RRN3: variants seen among roughly 807,000 people sequenced by gnomAD.
RRN3 encodes RNA polymerase I transcription factor RRN3, also known as RNA polymerase I-specific transcription initiation factor RRN3.
RRN3 carries 38 observed loss-of-function variants against 82.3 expected under a neutral mutation model. That is an observed-to-expected ratio of 0.46 (90% CI 0.36 to 0.61). RRN3 has a LOEUF of 0.61. RRN3 is among the 20% of genes least tolerant of loss of function. The pLI, the probability that RRN3 is intolerant of heterozygous loss-of-function variation, is 0.00. For missense variants in RRN3, 726 were observed against 793.1 expected (o/e 0.92, Z 1.02); for synonymous variants, 284 against 284.3 (o/e 1.00, Z 0.01).
intron 8 of RRN3, among the ~76,000 whole-genome samples, chr16:15,080,986 TTCATA>T (rs1001318363): frequency 4.9e-4 from 74 of 152,182 alleles, no homozygotes; most frequent in African/African-American, 1.8e-3. Flanking sequence ...AACCATTCCT[TTCATA>T]TCAATGGAGT....
rs780150325 is a variant in RRN3, at chr16:15,061,915, C to T, written c.1795-10G>A. On this transcript the variant is annotated splice_polypyrimidine_tract_variant and intron_variant, in intron 17 of 17. Transcript: ENST00000198767. ...CATCTTCCACTATGTCCTGCAGAAA[C>T]ATCAGAAATCATCAGTAACATCACC... 1.3e-5 allele frequency: 21 copies of T among 1,601,698 alleles called. 1 individual carries two copies. The Admixed American group carries it at 3.2e-4, about 24-fold the overall frequency.
At position 15,061,496 on chromosome 16, in the gene RRN3, A is replaced by C; in HGVS notation, c.*248T>G. On this transcript the variant is annotated 3_prime_UTR_variant, in exon 18 of 18. Transcript: ENST00000198767. ...ATATTAAACAAGCAAATCCTTCCAA[A>C]TGTATCATCAACCCCACTGTAAAAG... 2.5e-6 allele frequency: 1 copy of C among 399,726 alleles called. No individual in the cohort carries two copies. Among genetic ancestry groups the C allele is most frequent in the Non-Finnish European group, 4.4e-6 (1 of 226,160 alleles). 24.8% of individuals were successfully genotyped at this position (399,726 alleles called of 1,614,324 possible). A position where few individuals can be genotyped will look rare whatever the true frequency, so the allele number is the denominator to read the frequency against.
intron 16 of RRN3, among the ~76,000 whole-genome samples, chr16:15,064,132 G>A (rs371138829): frequency 6.6e-6 from 1 of 151,844 alleles, no homozygotes; most frequent in Non-Finnish European, 1.5e-5. Flanking sequence ...CTGGCCCAGT[G>A]GTTTTCTAGA....
Position 15,066,132 on chromosome 16 carries a change from G to C in RRN3, c.1554-761C>G, listed in dbSNP as rs546360462. Among the ~76,000 whole-genome samples the C allele has an allele frequency of 1.8e-3, 274 of 152,280 alleles. 1 individual carries two copies. The highest frequency in any genetic ancestry group is 5.3e-3 in the African/African-American group (222 of 41,542). The stretch of plus-strand genomic sequence containing the variant: ...ATGGCAACTTCAAGCCACATACTTT[G>C]ATTTCTGTCCTGTTAGCCAAGGCTC... On this transcript the variant is annotated intron_variant, in intron 15 of 17. Transcript: ENST00000198767.
Position 15,094,255 on chromosome 16 carries a change from C to G in RRN3, c.-22G>C. The G allele has an allele frequency of 1.3e-6, 2 of 1,548,526 alleles. No individual in the cohort carries two copies. The highest frequency in any genetic ancestry group is 4.8e-5 in the East Asian group (2 of 42,038). On this transcript the variant is annotated 5_prime_UTR_variant, in exon 1 of 18. Coordinates refer to ENST00000198767, the MANE Select transcript of RRN3 (RefSeq NM_018427.5). Reference sequence around the variant, plus strand: ...CCATTGGGCCGAACTAACGCGACCGCTGCGCCTCAGGCCGGATGCCCAGCT... The same window carrying G: ...CCATTGGGCCGAACTAACGCGACCGGTGCGCCTCAGGCCGGATGCCCAGCT...
chr16:15,094,265 G>C lies in RRN3; in HGVS notation c.-32C>G. The C allele has an allele frequency of 6.6e-7, 1 of 1,505,342 alleles. No individual in the cohort carries two copies. The highest frequency in any genetic ancestry group is 1.2e-5 in the South Asian group (1 of 83,010). 93.2% of individuals were successfully genotyped at this position (1,505,342 alleles called of 1,614,324 possible). The stretch of plus-strand genomic sequence containing the variant: ...GAACTAACGCGACCGCTGCGCCTCA[G>C]GCCGGATGCCCAGCTCCTTCCAGCC... On this transcript the variant is annotated 5_prime_UTR_variant, in exon 1 of 18. Transcript: ENST00000198767.
At chr16:15,090,728 C>A (rs1457770838) in intron 3 of RRN3, among the ~76,000 whole-genome samples, 2 of 152,294 alleles carry the variant, frequency 1.3e-5, no homozygotes, top group East Asian at 3.9e-4. Context: ...GAATTTCATT[C>A]CAGGCAATCT....
intron 8 of RRN3, among the ~76,000 whole-genome samples, chr16:15,081,717 G>T (rs2045710944): frequency 6.6e-6 from 1 of 152,192 alleles, no homozygotes; most frequent in East Asian, 1.9e-4. Context: ...GGTTGCTTGT[G>T]CTTAGGCATC....
intron 7 of RRN3, among the ~76,000 whole-genome samples, chr16:15,084,000 G>C (rs549222319): frequency 6.6e-6 from 1 of 152,220 alleles, no homozygotes; most frequent in African/African-American, 2.4e-5. Context: ...ACAGGCGTGA[G>C]CCACCGCGCC....
intron 15 of RRN3, among the ~76,000 whole-genome samples, chr16:15,066,262 C>T (rs529073384): frequency 6.6e-6 from 1 of 152,284 alleles, no homozygotes; most frequent in South Asian, 2.1e-4. Flanking sequence ...TCCTACAACC[C>T]CGCAGCTGAC....
intron 8 of RRN3, among the ~76,000 whole-genome samples, chr16:15,082,708 TAAC>T (rs1222328168): frequency 6.6e-6 from 1 of 152,052 alleles, no homozygotes; most frequent in Non-Finnish European, 1.5e-5. Context: ...CTTGCATTCT[TAAC>T]ATCAGTCGCA....
Position 15,089,530 on chromosome 16 carries a change from G to A in RRN3, c.252+1785C>T, listed in dbSNP as rs569568325. On this transcript the variant is annotated intron_variant, in intron 3 of 17. Transcript: ENST00000198767. ...ATTAAAGGATCACTGGCCGGGCGTG[G>A]TTACTCACGCCTCTAATCCCAGCAC... 2.9e-4 allele frequency among the ~76,000 whole-genome samples: 44 copies of A among 152,222 alleles called. No homozygotes were observed. In the South Asian group the frequency reaches 8.9e-3, roughly 31 times the overall value.
At chr16:15,085,122 A>C (rs1357780784) in intron 6 of RRN3, among the ~76,000 whole-genome samples, 1 of 152,152 alleles carries the variant, frequency 6.6e-6, no homozygotes, top group Non-Finnish European at 1.5e-5. Flanking sequence ...TGCTAACCAA[A>C]ACGGAATAAT....
chr16:15,085,172 G>A (rs1240348030), intron 6 of RRN3, among the ~76,000 whole-genome samples: 1 of 152,162 alleles, frequency 6.6e-6, no homozygotes, highest in East Asian at 1.9e-4. Flanking sequence ...TTCTCCACCA[G>A]CATCAACGAA....
Position 15,074,327 on chromosome 16 carries a change from T to C in RRN3, c.997+396A>G, listed in dbSNP as rs1005251306. 5.9e-5 allele frequency among the ~76,000 whole-genome samples: 9 copies of C among 152,186 alleles called. No individual in the cohort carries two copies. In the South Asian group the frequency reaches 6.2e-4, roughly 11 times the overall value. On this transcript the variant is annotated intron_variant, in intron 11 of 17. Coordinates refer to ENST00000198767, the MANE Select transcript of RRN3 (RefSeq NM_018427.5). ...GTTCCATGAAGTCAAGAAGCACATA[T>C]AGTACTAACACTGGCACAACAATGG...
chr16:15,087,570 G>A (rs1369561533), intron 3 of RRN3, among the ~76,000 whole-genome samples: 1 of 152,142 alleles, frequency 6.6e-6, no homozygotes, highest in Non-Finnish European at 1.5e-5. Flanking sequence ...AACTCCCACA[G>A]ATCAACCATT....
chr16:15,061,087 C>G lies in RRN3; in HGVS notation c.*657G>C, dbSNP rs1334386714. The stretch of plus-strand genomic sequence containing the variant: ...CACATCTGATTCTGTTTCCCTATAT[C>G]CTCTCTCTCTTCCCTATGGGCTTTT... On this transcript the variant is annotated 3_prime_UTR_variant, in exon 18 of 18. Coordinates refer to ENST00000198767, the MANE Select transcript of RRN3 (RefSeq NM_018427.5). The G allele has an allele frequency of 1.3e-5, 2 of 152,140 alleles. No individual in the cohort carries two copies. Among genetic ancestry groups the G allele is most frequent in the African/African-American group, 4.8e-5 (2 of 41,410 alleles). The allele number at this position is 152,140 out of a possible 1,614,324, so 9.4% of individuals were successfully genotyped here.
At chr16:15,071,683 G>A (rs1332550201) in intron 12 of RRN3, among the ~76,000 whole-genome samples, 9 of 152,098 alleles carry the variant, frequency 5.9e-5, no homozygotes, top group Middle Eastern at 3.4e-3. Flanking sequence ...CAGGAGAATC[G>A]CTTGAACCCA....
intron 9 of RRN3, among the ~76,000 whole-genome samples, chr16:15,077,873 C>T (rs1364251187): frequency 1.3e-5 from 2 of 152,064 alleles, no homozygotes; most frequent in African/African-American, 4.8e-5. Context: ...TTTTTCTTCC[C>T]AGGCTCAGCT....
Sources: gnomAD v4.1 joint callset for allele counts (sites outside exome capture counted in the v4.1 genomes callset) on GRCh38, gnomAD v4.1.1 for gene constraint, MANE v1.5 for transcripts, NCBI Gene and HGNC (gene_info 2026-07-23, HGNC 2026-07-21) for gene names.